MGAT4C: variants seen among roughly 807,000 people sequenced by gnomAD.
The protein encoded by MGAT4C is MGAT4 family member C, also known as alpha-1,3-mannosyl-glycoprotein 4-beta-N-acetylglucosaminyltransferase C.
MGAT4C carries 19 observed loss-of-function variants against 40.1 expected under a neutral mutation model. The ratio of observed to expected loss-of-function variants is 0.47; its 90% CI spans 0.33 to 0.70. The LOEUF is 0.70. MGAT4C is among the 30% of genes least tolerant of loss of function. The probability of loss-of-function intolerance (pLI) is 0.02; values close to 1 mark genes in which losing one functional copy is unlikely to be tolerated. For missense variants in MGAT4C, 491 were observed against 563.2 expected, an observed-to-expected ratio of 0.87 and a Z score of 1.30; for synonymous variants, 181 against 187.1, an observed-to-expected ratio of 0.97 and a Z score of 0.27.
intron 1 of MGAT4C, among the ~76,000 whole-genome samples, chr12:86,191,124 CACACACACA>C (rs1447798482): frequency 2.0e-4 from 28 of 140,640 alleles, no homozygotes; most frequent in African/African-American, 2.4e-4. Context: ...CACACACACA[CACACACACA>C]CCCCTATAGG....
chr12:86,443,229 C>T (rs1957267644), intron 2 of MGAT4C, among the ~76,000 whole-genome samples: 1 of 150,884 alleles, frequency 6.6e-6, no homozygotes, highest in South Asian at 2.1e-4. Context: ...CACATATATA[C>T]ACATGTAAAT....
rs541607916 is a variant in MGAT4C at position 86,738,004 on chromosome 12, T to A, written c.-261-10763A>T. On this transcript the variant is annotated intron_variant, in intron 1 of 7. Coordinates refer to the MGAT4C transcript ENST00000548651. The stretch of plus-strand genomic sequence containing the variant: ...CTTAGGACAGATCACAATACCACAC[T>A]ACTGAAAAGGCTTTAATTGATCACT... 6.6e-5 allele frequency among the ~76,000 whole-genome samples: 10 copies of A among 151,666 alleles called. No individual in the cohort carries two copies. In the South Asian group the frequency reaches 2.1e-3, roughly 31 times the overall value.
chr12:86,613,512 C>A (rs1277423148), intron 2 of MGAT4C, among the ~76,000 whole-genome samples: 1 of 152,066 alleles, frequency 6.6e-6, no homozygotes, highest in Non-Finnish European at 1.5e-5. Context: ...TTTCTACAAG[C>A]AAGAGGAAGT....
At chr12:86,040,842 C>G (rs1335376808) in intron 2 of MGAT4C, among the ~76,000 whole-genome samples, 2 of 152,174 alleles carry the variant, frequency 1.3e-5, no homozygotes, top group East Asian at 1.9e-4. Flanking sequence ...AGTGAATCTC[C>G]TGGTCTGTGT....
At chr12:86,637,218 T>C (rs1593067829) in intron 2 of MGAT4C, among the ~76,000 whole-genome samples, 1 of 151,968 alleles carries the variant, frequency 6.6e-6, no homozygotes, top group Non-Finnish European at 1.5e-5. Context: ...TCCTACTGAT[T>C]ATATATTGAA....
intron 2 of MGAT4C, among the ~76,000 whole-genome samples, chr12:86,537,638 TG>T (rs1410152380): frequency 1.3e-5 from 2 of 152,202 alleles, no homozygotes; most frequent in Non-Finnish European, 2.9e-5. Flanking sequence ...GAACAATTTC[TG>T]GCACACAGTA....
chr12:86,446,134 A>G (rs1957331216), intron 2 of MGAT4C, among the ~76,000 whole-genome samples: 1 of 152,094 alleles, frequency 6.6e-6, no homozygotes, highest in African/African-American at 2.4e-5. Flanking sequence ...TATAGAATAA[A>G]ATTTATTGTG....
intron 1 of MGAT4C, among the ~76,000 whole-genome samples, chr12:86,830,665 A>G (rs1361011086): frequency 6.6e-6 from 1 of 151,734 alleles, no homozygotes; most frequent in Non-Finnish European, 1.5e-5. Context: ...TAGCCTATTT[A>G]AGACCATGCT....
chr12:86,468,073 C>T (rs1024719229), intron 2 of MGAT4C, among the ~76,000 whole-genome samples: 14 of 152,060 alleles, frequency 9.2e-5, no homozygotes, highest in African/African-American at 3.1e-4. Flanking sequence ...AAATGAATAT[C>T]CACAGCCAAA....
intron 2 of MGAT4C, among the ~76,000 whole-genome samples, chr12:86,575,240 A>G (rs1960514711): frequency 1.2e-5 from 1 of 82,584 alleles, no homozygotes; most frequent in South Asian, 7.0e-4. Context: ...TGCATTCTTT[A>G]TTTTAAAATA....
intron 2 of MGAT4C, among the ~76,000 whole-genome samples, chr12:86,039,191 T>C (rs1891558042): frequency 6.6e-6 from 1 of 152,188 alleles, no homozygotes; most frequent in Non-Finnish European, 1.5e-5. Flanking sequence ...CTGATGATTA[T>C]GTGTCTTGGG....
At chr12:86,193,913 T>C (rs1335469469) in intron 1 of MGAT4C, among the ~76,000 whole-genome samples, 1 of 152,146 alleles carries the variant, frequency 6.6e-6, no homozygotes, top group African/African-American at 2.4e-5. Context: ...CTGTTTTCAC[T>C]TAACGCTTTT....
In MGAT4C at chr12:86,670,254, A is replaced by T. The variant is rs149466704; in HGVS notation, c.-229+56955T>A. 2.6e-5 allele frequency among the ~76,000 whole-genome samples: 4 copies of T among 152,266 alleles called. No homozygotes were observed. The East Asian group carries it at 7.7e-4, about 29-fold the overall frequency. The stretch of plus-strand genomic sequence containing the variant: ...GAAAGATGAAAAATTCAACAAATGG[A>T]TTTCAAGGAAGCTCAATGAATTCCA... On this transcript the variant is annotated intron_variant, in intron 2 of 7. Transcript: ENST00000548651.
intron 2 of MGAT4C, among the ~76,000 whole-genome samples, chr12:86,556,246 TGAAG>T (rs1431424602): frequency 6.6e-5 from 10 of 152,196 alleles, no homozygotes; most frequent in East Asian, 1.9e-4. Context: ...TATTTTTTAA[TGAAG>T]GAAGGAAGGT....
Position 86,538,962 on chromosome 12 carries a change from C to T in MGAT4C, c.-228-103697G>A, listed in dbSNP as rs987784323. On this transcript the variant is annotated intron_variant, in intron 2 of 7. Coordinates refer to the MGAT4C transcript ENST00000548651. The stretch of plus-strand genomic sequence containing the variant: ...AATGTTTTGTTTCTCATAACTACTG[C>T]ATATGCATAATTTAATAGGTTATTT... Among the ~76,000 whole-genome samples the T allele has an allele frequency of 4.3e-4, 66 of 151,806 alleles. 1 individual carries two copies. The highest frequency in any genetic ancestry group is 1.4e-3 in the African/African-American group (56 of 41,474).
chr12:86,738,867 A>G (rs1951022559), intron 1 of MGAT4C, among the ~76,000 whole-genome samples: 2 of 151,046 alleles, frequency 1.3e-5, no homozygotes, highest in South Asian at 4.2e-4. Context: ...GGTTGAACAC[A>G]AAAGCCCGTT....
At chr12:86,481,315 G>A (rs1450876882) in intron 2 of MGAT4C, among the ~76,000 whole-genome samples, 1 of 151,944 alleles carries the variant, frequency 6.6e-6, no homozygotes, top group East Asian at 1.9e-4. Flanking sequence ...AATGGAATTG[G>A]CAAAGATTTT....
intron 2 of MGAT4C, among the ~76,000 whole-genome samples, chr12:86,562,598 A>G (rs1959919567): frequency 6.6e-6 from 1 of 152,012 alleles, no homozygotes; most frequent in African/African-American, 2.4e-5. Flanking sequence ...AGGCAAGACA[A>G]TGCTGATTCT....
chr12:86,698,683 G>C (rs1950302667), intron 2 of MGAT4C, among the ~76,000 whole-genome samples: 1 of 151,940 alleles, frequency 6.6e-6, no homozygotes, highest in South Asian at 2.1e-4. Context: ...AGCTGTGGGG[G>C]GGGTGGGTAT....
Sources: allele counts gnomAD v4.1 joint callset (sites outside exome capture counted in the v4.1 genomes callset), GRCh38; gene constraint gnomAD v4.1.1; transcripts MANE v1.5; gene names NCBI Gene and HGNC (gene_info 2026-07-23, HGNC 2026-07-21).